NEB: variants seen among roughly 807,000 people sequenced by gnomAD.
The protein encoded by NEB is nebulin, also known as nemaline myopathy type 2.
NEB carries 512 observed loss-of-function variants against 952.2 expected under a neutral mutation model. The ratio of observed to expected loss-of-function variants is 0.54; its 90% CI spans 0.50 to 0.58. The LOEUF (loss-of-function observed/expected upper bound fraction) is 0.58, where lower values mean the gene tolerates loss of function less well. NEB is among the 20% of genes least tolerant of loss of function. The pLI is 0.00. For missense variants in NEB, 8,428 were observed against 9,231.1 expected (o/e 0.91, Z 3.56); for synonymous variants, 2,900 against 3,149.8 (o/e 0.92, Z 2.66).
At chr2:151,552,107 C>T (rs913418623) in intron 128 of NEB, among the ~76,000 whole-genome samples, 8 of 152,084 alleles carry the variant, frequency 5.3e-5, no homozygotes, top group Non-Finnish European at 8.8e-5. Flanking sequence ...CACTCACTGG[C>T]GGGATCTGAT....
rs201731351 is a variant in NEB at position 151,553,878 on chromosome 2, C to T, written c.19576G>A (p.Asp6526Asn). Residue 6526 changes from aspartate (D) to asparagine (N), a missense_variant, in exon 126 of 182, where the codon GAC becomes AAC. Coordinates refer to ENST00000397345, the MANE Select transcript of NEB (RefSeq NM_001164508.2). ...LRLHEWICHP[D>N]LQVNDHVRKV... ...CTGACGTGATCATTGACTTGCAAGT[C>T]GGGGTGGCAAATCCATTCGTGGAGG... is the stretch of plus-strand genomic sequence containing the variant. The T allele has an allele frequency of 8.4e-5, 135 of 1,613,476 alleles. No homozygotes were observed. Among genetic ancestry groups the T allele is most frequent in the Non-Finnish European group, 1.0e-4 (118 of 1,179,694 alleles).
In NEB at chr2:151,578,276, C is replaced by T. The variant is rs763513853; in HGVS notation, c.16704+1062G>A. ...TAATGAAAGACCACATTGTGAAGAA[C>T]GTCAAGTAAAAGGAAACAAGTGGTC... On this transcript the variant is annotated intron_variant, in intron 105 of 181. Transcript: ENST00000397345. 2.8e-5 allele frequency among the ~76,000 whole-genome samples: 4 copies of T among 145,198 alleles called. 1 individual carries two copies. Among genetic ancestry groups the T allele is most frequent in the Admixed American group, 6.8e-5 (1 of 14,626 alleles).
At chr2:151,701,832 AT>A (rs1163930562) in intron 13 of NEB, among the ~76,000 whole-genome samples, 8 of 147,526 alleles carry the variant, frequency 5.4e-5, no homozygotes, top group African/African-American at 2.0e-4. Context: ...GGATTCATTA[AT>A]TTTTTGAAGG....
chr2:151,500,471 AAGAT>A (rs1476828795), intron 168 of NEB, among the ~76,000 whole-genome samples: 5 of 152,134 alleles, frequency 3.3e-5, no homozygotes, highest in African/African-American at 9.7e-5. Context: ...ATATTAATAA[AAGAT>A]AACATTAAAT....
rs1470448738 is a variant in NEB, at chr2:151,507,962, CT to C, written c.23451+42del. The C allele has an allele frequency of 1.2e-5, 17 of 1,425,650 alleles. No individual in the cohort carries two copies. In the Admixed American group the frequency reaches 2.9e-4, roughly 24 times the overall value. 88.3% of individuals were successfully genotyped at this position (1,425,650 alleles called of 1,614,324 possible). On this transcript the variant is annotated intron_variant, in intron 162 of 181. Coordinates refer to ENST00000397345, the MANE Select transcript of NEB (RefSeq NM_001164508.2). ...TCCAGAGGCATCTTCCTCAGCACCC[CT>C]AGGTGCCTGTGGGCTGTGCCTTACA...
intron 153 of NEB, among the ~76,000 whole-genome samples, chr2:151,523,982 A>G (rs1470632301): frequency 6.6e-6 from 1 of 152,210 alleles, no homozygotes; most frequent in African/African-American, 2.4e-5. Context: ...TCAAGTATGA[A>G]TCAGACCCCG....
chr2:151,545,797 G>T, intron 135 of NEB, 91 bp downstream of exon 135: 1 of 739,578 alleles, frequency 1.4e-6, no homozygotes, highest in Non-Finnish European at 2.2e-6. Context: ...TGCCTGAACA[G>T]CGATCACTAG....
chr2:151,673,018 T>C (rs146583317), intron 36 of NEB, among the ~76,000 whole-genome samples: 1,783 of 152,320 alleles, frequency 0.012, 38 homozygotes, highest in African/African-American at 0.041. Context: ...TAGGGTTTCA[T>C]AGGTTTCGAT....
At chr2:151,521,054 CA>C (rs1231660294) in intron 153 of NEB, among the ~76,000 whole-genome samples, 2 of 152,048 alleles carry the variant, frequency 1.3e-5, no homozygotes, top group African/African-American at 2.4e-5. Context: ...GTTAGCCAAC[CA>C]AAAGGGCAAT....
At chr2:151,609,676 G>T in intron 81 of NEB, 133 bp downstream of exon 81, 1 of 687,286 alleles carries the variant, frequency 1.5e-6, no homozygotes, top group Non-Finnish European at 2.3e-6. Flanking sequence ...TAAACAATGT[G>T]AATGGTACCC....
chr2:151,704,517 G>C (rs1348775517), intron 13 of NEB, among the ~76,000 whole-genome samples: 67 of 150,996 alleles, frequency 4.4e-4, no homozygotes, highest in African/African-American at 8.0e-4. Flanking sequence ...GCGAGACTCC[G>C]TGGGCGTAGG....
At chr2:151,486,138 C>T (rs1038923961) in intron 181 of NEB, 7 of 543,598 alleles carry the variant, frequency 1.3e-5, no homozygotes, top group African/African-American at 1.1e-4. Context: ...ATATCCAGAA[C>T]ATATGACGAA....
At chr2:151,557,548 G>A (rs1459147864) in intron 124 of NEB, among the ~76,000 whole-genome samples, 1 of 152,018 alleles carries the variant, frequency 6.6e-6, no homozygotes, top group Non-Finnish European at 1.5e-5. Context: ...TACCAAAGCC[G>A]GGCAGAGACA....
At position 151,669,151 on chromosome 2, in the gene NEB, C is replaced by T; in HGVS notation, c.4507-20G>A. 2 of 1,443,442 alleles carry T rather than the reference C, an allele frequency of 1.4e-6. No individual in the cohort carries two copies. The highest frequency in any genetic ancestry group is 9.6e-7 in the Non-Finnish European group (1 of 1,044,200). 89.4% of individuals were successfully genotyped at this position (1,443,442 alleles called of 1,614,324 possible). ...GTTCAACTAAAAACAAAGGAGACAG[C>T]ATGCACATATCATTAGCTGACATAA... On this transcript the variant is annotated intron_variant, in intron 38 of 181. Transcript: ENST00000397345.
intron 135 of NEB, among the ~76,000 whole-genome samples, chr2:151,544,428 T>C (rs1305152201): frequency 2.0e-5 from 3 of 151,964 alleles, no homozygotes; most frequent in Non-Finnish European, 2.9e-5. Context: ...CATCTAAAAG[T>C]GTATAGATGC....
At position 151,493,397 on chromosome 2, in the gene NEB, G is replaced by C; in HGVS notation, c.24721C>G (p.Pro8241Ala). ...MRKATPTPVTPEMERAKRNQE... is the reference protein window; with the variant it reads ...MRKATPTPVTAEMERAKRNQE... ...TTGCGCTTAGCTCTCTCCATCTCTG[G>C]AGTAACAGGTGTCGGAGTTGCTTTT... The change falls in exon 176 of 182, where the codon CCA (proline) becomes GCA (alanine). Residue 8241 changes from proline (P) to alanine (A), a missense_variant. Physicochemically the swap from Pro to Ala is conservative, Grantham distance 27. This residue lies in a region of NEB where 3,374 missense variants were observed against 3,651.5 expected (regional missense o/e 0.92). Coordinates refer to ENST00000397345, the MANE Select transcript of NEB (RefSeq NM_001164508.2). 4 of 1,611,124 alleles carry C rather than the reference G, an allele frequency of 2.5e-6. No individual in the cohort carries two copies. The highest frequency in any genetic ancestry group is 3.4e-6 in the Non-Finnish European group (4 of 1,179,034).
At chr2:151,611,711 A>G (rs1460095882) in intron 78 of NEB, among the ~76,000 whole-genome samples, 1 of 152,238 alleles carries the variant, frequency 6.6e-6, no homozygotes, top group Non-Finnish European at 1.5e-5. Context: ...CTAGCTTTCA[A>G]AAGTGGATTT....
chr2:151,503,012 A>G, intron 166 of NEB, 127 bp from the exon 167 acceptor site: 1 of 630,498 alleles, frequency 1.6e-6, no homozygotes, highest in Non-Finnish European at 2.8e-6. Flanking sequence ...TAGTAAGGAT[A>G]ATGTTTTTAC....
chr2:151,518,261 C>T, intron 156 of NEB, 57 bp downstream of exon 156: 1 of 1,258,200 alleles, frequency 7.9e-7, no homozygotes, highest in Non-Finnish European at 1.2e-6. Flanking sequence ...AATTTTTTTT[C>T]ACATTGTACT....
Sources: allele counts gnomAD v4.1 joint callset (sites outside exome capture counted in the v4.1 genomes callset), GRCh38; gene constraint gnomAD v4.1.1; regional missense constraint gnomAD v4.1.1; transcripts MANE v1.5; gene names NCBI Gene and HGNC (gene_info 2026-07-23, HGNC 2026-07-21).